The following CTNNA1 variants were observed in gnomAD, a reference collection of about 807,000 sequenced individuals.
CTNNA1 encodes catenin alpha 1.
Under a neutral mutation model 98.4 loss-of-function variants are expected in CTNNA1, and 37 were observed. The observed-to-expected ratio is 0.38, with a 90% CI of 0.29 to 0.49. The LOEUF (loss-of-function observed/expected upper bound fraction) is 0.49. CTNNA1 is among the 20% of genes least tolerant of loss of function. The pLI is 0.95. For synonymous variants in CTNNA1, 404 were observed against 413.2 expected (o/e 0.98, Z 0.27); for missense variants, 761 against 1,147.2 (o/e 0.66, Z 4.86).
At chr5:138,897,782 C>T (rs1161122367) in intron 9 of CTNNA1, among the ~76,000 whole-genome samples, 2 of 151,924 alleles carry the variant, frequency 1.3e-5, no homozygotes, top group East Asian at 3.9e-4. Flanking sequence ...ACACTTTGAC[C>T]AAAAATAAGC....
chr5:138,793,313 C>G (rs1756575776), intron 3 of CTNNA1, among the ~76,000 whole-genome samples: 1 of 152,168 alleles, frequency 6.6e-6, no homozygotes. Context: ...TGGGATGTTT[C>G]AAGGATGCTG....
chr5:138,852,471 G>A (rs1195832774), intron 7 of CTNNA1, among the ~76,000 whole-genome samples: 4 of 132,042 alleles, frequency 3.0e-5, no homozygotes, highest in African/African-American at 8.3e-5. Flanking sequence ...GGTGGGGGGG[G>A]TACACATTTG....
chr5:138,827,896 T>TCCAGC (rs1760874835), intron 7 of CTNNA1, 178 bp downstream of exon 7: 1 of 665,222 alleles, frequency 1.5e-6, no homozygotes, highest in Non-Finnish European at 2.5e-6. Context: ...CTTTCCTCTC[T>TCCAGC]CCAGCTTATT....
In CTNNA1 at chr5:138,769,236, G is replaced by A. The variant is rs117552908; in HGVS notation, c.-2-12687G>A. On this transcript the variant is annotated intron_variant, in intron 1 of 17. Transcript: ENST00000302763. ...AGTCTGGGTAACTTCTCAGACTCTA[G>A]TCAAGTCCAGGCATCTTTTTGCCTG... Among the ~76,000 whole-genome samples the A allele has an allele frequency of 6.2e-4, 95 of 152,080 alleles. No individual in the cohort carries two copies. The East Asian group carries it at 0.017, about 28-fold the overall frequency.
intron 12 of CTNNA1, 141 bp downstream of exon 12, chr5:138,924,851 G>T: frequency 1.4e-6 from 1 of 711,870 alleles, no homozygotes; most frequent in Non-Finnish European, 2.4e-6. Flanking sequence ...CTCCTGAGAA[G>T]CTGGTCATAG....
chr5:138,930,373 A>G lies in CTNNA1; in HGVS notation c.2011-100A>G, dbSNP rs1230823641. 10 of 852,302 alleles carry G rather than the reference A, an allele frequency of 1.2e-5. No individual in the cohort carries two copies. In the South Asian group the frequency reaches 1.3e-4, roughly 11 times the overall value. The allele number at this position is 852,302 out of a possible 1,614,324, so 52.8% of individuals were successfully genotyped here. A position where few individuals can be genotyped will look rare whatever the true frequency, so the allele number is the denominator to read the frequency against. On this transcript the variant is annotated intron_variant, in intron 14 of 17. Coordinates refer to ENST00000302763, the MANE Select transcript of CTNNA1 (RefSeq NM_001903.5). ...ATGAAACCTATTAAAGCATTATCCTACCTATGCCACAGATTGCCTGTTGGA... is the reference window on the plus strand; with the variant it reads ...ATGAAACCTATTAAAGCATTATCCTGCCTATGCCACAGATTGCCTGTTGGA...
At chr5:138,866,310 A>ATTTATTTATTTATTTAT (rs1561611109) in intron 7 of CTNNA1, among the ~76,000 whole-genome samples, 1 of 145,256 alleles carries the variant, frequency 6.9e-6, no homozygotes, top group African/African-American at 2.8e-5. Flanking sequence ...TTATTTATTT[A>ATTTATTTATTTATTTAT]TTTATTTATT....
At chr5:138,756,163 A>T (rs998341338) in intron 1 of CTNNA1, among the ~76,000 whole-genome samples, 37 of 151,700 alleles carry the variant, frequency 2.4e-4, no homozygotes, top group South Asian at 1.7e-3. Flanking sequence ...CTCAACCTCA[A>T]GGAGCTGGGA....
chr5:138,823,040 A>G (rs748233956), intron 5 of CTNNA1, among the ~76,000 whole-genome samples: 17 of 152,196 alleles, frequency 1.1e-4, no homozygotes, highest in Admixed American at 2.6e-4. Context: ...TTAAATTTAT[A>G]CTCTAGGATT....
chr5:138,853,320 C>A lies in CTNNA1; in HGVS notation c.1062+25602C>A, dbSNP rs187415681. On this transcript the variant is annotated intron_variant, in intron 7 of 17. Transcript: ENST00000302763. Reference sequence around the variant, plus strand: ...TAATCTTTTTAATGTACTTGTAAGTCATTGGATTTGCTTTTTTATGAAGTG... The same window carrying A: ...TAATCTTTTTAATGTACTTGTAAGTAATTGGATTTGCTTTTTTATGAAGTG... 3.6e-3 allele frequency among the ~76,000 whole-genome samples: 543 copies of A among 152,098 alleles called. 4 individuals are homozygous for A. Among genetic ancestry groups the A allele is most frequent in the Middle Eastern group, 6.8e-3 (2 of 294 alleles).
intron 3 of CTNNA1, among the ~76,000 whole-genome samples, chr5:138,798,707 T>C (rs573704630): frequency 1.4e-4 from 21 of 152,328 alleles, no homozygotes; most frequent in African/African-American, 4.3e-4. Context: ...GAGGAACTTA[T>C]TTTATTCCCA....
intron 7 of CTNNA1, among the ~76,000 whole-genome samples, chr5:138,850,828 GTTTTACC>G (rs1269993565): frequency 6.6e-6 from 1 of 152,154 alleles, no homozygotes; most frequent in Non-Finnish European, 1.5e-5. Context: ...ACAGATTTAA[GTTTTACC>G]TATTATCACT....
intron 3 of CTNNA1, among the ~76,000 whole-genome samples, chr5:138,799,035 C>T (rs1005175829): frequency 6.6e-6 from 1 of 151,860 alleles, no homozygotes; most frequent in African/African-American, 2.4e-5. Flanking sequence ...CTCTGTCACC[C>T]AGGCCACTGT....
chr5:138,823,208 G>T (rs1760214940), intron 5 of CTNNA1, among the ~76,000 whole-genome samples: 1 of 152,064 alleles, frequency 6.6e-6, no homozygotes, highest in Non-Finnish European at 1.5e-5. Context: ...GAGTGAAAGA[G>T]GGATACCAGA....
chr5:138,925,612 G>GGGA (rs1763845095), intron 13 of CTNNA1: 1 of 665,936 alleles, frequency 1.5e-6, no homozygotes, highest in Non-Finnish European at 2.4e-6. Flanking sequence ...GGCCAAGAAG[G>GGGA]GGAGCTAGCC....
chr5:138,755,475 C>T (rs778705142), intron 1 of CTNNA1, among the ~76,000 whole-genome samples: 5 of 152,164 alleles, frequency 3.3e-5, no homozygotes, highest in Non-Finnish European at 5.9e-5. Context: ...CTCACTCTTT[C>T]CTCTCGTACC....
intron 7 of CTNNA1, among the ~76,000 whole-genome samples, chr5:138,852,010 C>T (rs770351174): frequency 2.2e-4 from 34 of 152,208 alleles, no homozygotes; most frequent in African/African-American, 4.3e-4. Flanking sequence ...GTGGAGGTTG[C>T]AGTGAGCCGA....
intron 3 of CTNNA1, among the ~76,000 whole-genome samples, chr5:138,787,212 C>T (rs1445387824): frequency 5.3e-5 from 8 of 152,174 alleles, no homozygotes; most frequent in Non-Finnish European, 1.5e-5. Flanking sequence ...GGGCGGATCA[C>T]GAGGTCAGGA....
At chr5:138,858,128 A>AT (rs71858446) in intron 7 of CTNNA1, among the ~76,000 whole-genome samples, 101 of 141,714 alleles carry the variant, frequency 7.1e-4, no homozygotes, top group Middle Eastern at 3.6e-3. Context: ...GTTAAAAAAA[A>AT]TTTTTTTTTT....
Sources: gnomAD v4.1 joint callset for allele counts (sites outside exome capture counted in the v4.1 genomes callset) on GRCh38, gnomAD v4.1.1 for gene constraint, MANE v1.5 for transcripts, NCBI Gene and HGNC (gene_info 2026-07-23, HGNC 2026-07-21) for gene names.